Variants in EVI5 observed in about 807,000 individuals in gnomAD.
EVI5 encodes ecotropic viral integration site 5 protein homolog.
EVI5 carries 73 observed loss-of-function variants against 112.0 expected under a neutral mutation model. The observed-to-expected ratio is 0.65, with a 90% CI of 0.54 to 0.79. The LOEUF is 0.79. Among genes scored for constraint, EVI5 ranks in the 30% least tolerant of loss-of-function variants. The probability of loss-of-function intolerance (pLI) is 0.00; values close to 1 mark genes in which losing one functional copy is unlikely to be tolerated. For missense variants in EVI5, 900 were observed against 968.8 expected (o/e 0.93, Z 0.94); for synonymous variants, 305 against 319.9 (o/e 0.95, Z 0.50).
In EVI5 at chr1:92,562,031, C is replaced by T. The variant is rs76020210; in HGVS notation, c.2166+1611G>A. 2.0e-4 allele frequency among the ~76,000 whole-genome samples: 30 copies of T among 152,226 alleles called. 1 individual carries two copies. In the East Asian group the frequency reaches 4.6e-3, roughly 24 times the overall value. ...GTTTTAGAAATAAAGTCAATCTATA[C>T]GTAACTTTCTTGTTTCAGCAACATT... On this transcript the variant is annotated intron_variant, in intron 19 of 19. Transcript: ENST00000684568.
rs552863293 is a variant in EVI5 at position 92,770,557 on chromosome 1, A to G, written c.-82+14279T>C. ...TGTAATCCCAGCACTTTGGGAGGCCAAGGCGGGCTGATCACGAGGTCAGGA... is the reference window on the plus strand; with the variant it reads ...TGTAATCCCAGCACTTTGGGAGGCCGAGGCGGGCTGATCACGAGGTCAGGA... On this transcript the variant is annotated intron_variant, in intron 1 of 19. Transcript: ENST00000684568. Among the ~76,000 whole-genome samples, 168 of 152,192 alleles carry G rather than the reference A, an allele frequency of 1.1e-3. 1 individual carries two copies. The highest frequency in any genetic ancestry group is 1.3e-3 in the Non-Finnish European group (88 of 67,986).
intron 14 of EVI5, among the ~76,000 whole-genome samples, chr1:92,631,783 T>G (rs1158226776): frequency 6.6e-6 from 1 of 152,134 alleles, no homozygotes; most frequent in Non-Finnish European, 1.5e-5. Flanking sequence ...ATGCTTCCAG[T>G]TTTTGCCCAT....
At chr1:92,760,872 C>T (rs545002635) in intron 1 of EVI5, among the ~76,000 whole-genome samples, 10 of 151,840 alleles carry the variant, frequency 6.6e-5, no homozygotes, top group South Asian at 2.1e-4. Flanking sequence ...CTGGCTAATA[C>T]GGTGAAACCC....
intron 10 of EVI5, 79 bp downstream of exon 10, chr1:92,677,079 G>A: frequency 2.4e-6 from 2 of 848,328 alleles, no homozygotes; most frequent in Non-Finnish European, 3.9e-6. Context: ...ATGAATATAA[G>A]AAGTACAAAC....
intron 1 of EVI5, among the ~76,000 whole-genome samples, chr1:92,772,873 T>A (rs1194531523): frequency 7.7e-6 from 1 of 129,840 alleles, no homozygotes; most frequent in African/African-American, 3.0e-5. Flanking sequence ...ACCATTGCAC[T>A]CCAGCCTGGG....
At chr1:92,585,213 A>G (rs563416884) in intron 18 of EVI5, among the ~76,000 whole-genome samples, 1 of 81,642 alleles carries the variant, frequency 1.2e-5, no homozygotes, top group South Asian at 5.9e-4. Context: ...ACAGAGTGAG[A>G]CTCCATCTCA....
intron 2 of EVI5, among the ~76,000 whole-genome samples, chr1:92,727,643 A>C (rs1675775569): frequency 6.6e-6 from 1 of 152,220 alleles, no homozygotes; most frequent in African/African-American, 2.4e-5. Context: ...AATGGCTTAA[A>C]TAACCCAATT....
At chr1:92,619,534 TGATTAA>T (rs1177378930) in intron 16 of EVI5, among the ~76,000 whole-genome samples, 1 of 151,738 alleles carries the variant, frequency 6.6e-6, no homozygotes, top group African/African-American at 2.4e-5. Flanking sequence ...AAAATAACTG[TGATTAA>T]TATGCTAAAG....
chr1:92,600,497 G>A (rs896611185), intron 18 of EVI5, among the ~76,000 whole-genome samples: 2 of 152,188 alleles, frequency 1.3e-5, no homozygotes, highest in Admixed American at 6.5e-5. Context: ...GGCTGGGGCT[G>A]GAGATAAATT....
intron 13 of EVI5, among the ~76,000 whole-genome samples, chr1:92,660,670 A>G (rs1472129706): frequency 6.6e-6 from 1 of 152,022 alleles, no homozygotes; most frequent in African/African-American, 2.4e-5. Context: ...AAACTTTCAA[A>G]AATCATCAAA....
At chr1:92,545,325 C>A (rs540304432) in intron 19 of EVI5, among the ~76,000 whole-genome samples, 1 of 151,766 alleles carries the variant, frequency 6.6e-6, no homozygotes, top group African/African-American at 2.4e-5. Flanking sequence ...ATCCTCCTGT[C>A]TCGGCCTCCC....
At chr1:92,689,178 G>C (rs1485073275) in intron 9 of EVI5, among the ~76,000 whole-genome samples, 1 of 152,180 alleles carries the variant, frequency 6.6e-6, no homozygotes, top group African/African-American at 2.4e-5. Context: ...CACATACACT[G>C]CTGGGTTAGA....
intron 19 of EVI5, among the ~76,000 whole-genome samples, chr1:92,547,802 A>G (rs1666029907): frequency 6.6e-6 from 1 of 152,244 alleles, no homozygotes; most frequent in Admixed American, 6.5e-5. Flanking sequence ...ATCAGGAAGA[A>G]GTTGAATCTC....
intron 2 of EVI5, chr1:92,714,046 A>C (rs1673241283): frequency 1.0e-6 from 1 of 984,880 alleles, no homozygotes; most frequent in South Asian, 4.7e-5. Context: ...AAATGAAAAA[A>C]GAAAAGCACA....
At chr1:92,644,334 T>C (rs1347452140) in intron 13 of EVI5, among the ~76,000 whole-genome samples, 1 of 152,212 alleles carries the variant, frequency 6.6e-6, no homozygotes, top group East Asian at 1.9e-4. Context: ...TAGACAAATC[T>C]AGAATATGAA....
chr1:92,546,132 C>T (rs1665651394), intron 19 of EVI5, among the ~76,000 whole-genome samples: 2 of 152,038 alleles, frequency 1.3e-5, no homozygotes, highest in South Asian at 4.2e-4. Context: ...CTTTAAGTAC[C>T]ATTTAGTATA....
intron 19 of EVI5, among the ~76,000 whole-genome samples, chr1:92,549,941 C>T (rs553608062): frequency 4.6e-5 from 7 of 152,196 alleles, no homozygotes; most frequent in Non-Finnish European, 1.0e-4. Context: ...GACAGTGTGG[C>T]GATTACTCAA....
intron 19 of EVI5, among the ~76,000 whole-genome samples, chr1:92,559,332 A>T (rs1415325041): frequency 2.0e-5 from 3 of 152,144 alleles, no homozygotes; most frequent in Non-Finnish European, 4.4e-5. Context: ...TGCCTCTCTA[A>T]TTTTATCTTA....
At chr1:92,637,753 T>C (rs1350920530) in intron 13 of EVI5, among the ~76,000 whole-genome samples, 9 of 152,148 alleles carry the variant, frequency 5.9e-5, no homozygotes, top group Admixed American at 3.3e-4. Context: ...TTTAATATGT[T>C]AGGAACAAAA....
Sources: gnomAD v4.1 joint callset for allele counts (sites outside exome capture counted in the v4.1 genomes callset) on GRCh38, gnomAD v4.1.1 for gene constraint, MANE v1.5 for transcripts, NCBI Gene and HGNC (gene_info 2026-07-23, HGNC 2026-07-21) for gene names.